The following PEX5 variants were observed in gnomAD, a reference collection of about 807,000 sequenced individuals.
PEX5 encodes PTS1 receptor.
PEX5 carries 52 observed loss-of-function variants against 82.9 expected under a neutral mutation model. The observed-to-expected ratio is 0.63, with a 90% CI of 0.50 to 0.79. The LOEUF (loss-of-function observed/expected upper bound fraction) is 0.79. Among genes scored for constraint, PEX5 ranks in the 30% least tolerant of loss-of-function variants. PEX5 has a pLI of 0.00. For missense variants in PEX5, 719 were observed against 815.2 expected (o/e 0.88, Z 1.44); for synonymous variants, 300 against 318.8 (o/e 0.94, Z 0.63).
chr12:7,217,610 AT>A (rs1369913778), intron 17 of PEX5, among the ~76,000 whole-genome samples: 1 of 152,202 alleles, frequency 6.6e-6, no homozygotes, highest in Non-Finnish European at 1.5e-5. Context: ...GTCAAAACAA[AT>A]TATTTATTTT....
intron 5 of PEX5, 90 bp from the exon 6 acceptor site, chr12:7,198,921 G>T: frequency 1.4e-6 from 1 of 711,456 alleles, no homozygotes. Flanking sequence ...GTGGCTAAGA[G>T]GGTCAGTTGA....
intron 2 of PEX5, 169 bp downstream of exon 2, chr12:7,190,693 C>G (rs999385440): frequency 6.9e-6 from 10 of 1,446,266 alleles, no homozygotes; most frequent in Non-Finnish European, 9.6e-6. Flanking sequence ...GGTATAACTG[C>G]TTTCTCTATT....
rs1439416155 is a variant in PEX5 at position 7,209,805 on chromosome 12, C to G, written c.1683C>G (p.Asn561Lys). The G allele has an allele frequency of 6.2e-7, 1 of 1,614,198 alleles. No individual in the cohort carries two copies. Among genetic ancestry groups the G allele is most frequent in the Non-Finnish European group, 8.5e-7 (1 of 1,180,038 alleles). ...CTGGCTATATCCGGTCCCGCTATAA[C>G]CTGGGCATCAGCTGCATCAACCTCG... ...LQPGYIRSRY[N>K]LGISCINLGA... The change falls in exon 15 of 16, where the codon AAC becomes AAG. Residue 561 changes from asparagine to lysine, a missense_variant. By Grantham distance (94) the Asn-to-Lys change is moderately conservative. Coordinates refer to ENST00000675855, the MANE Select transcript of PEX5 (RefSeq NM_001351132.2).
Position 7,202,650 on chromosome 12 carries a change from A to G in PEX5, c.792A>G (p.Pro264=). The stretch of plus-strand genomic sequence containing the variant: ...CCTGGGTTGACCAGTTCACAAGACC[A>G]GTAAACACATCTGCCCTTGATATGG... ...SDAWVDQFTR[P]VNTSALDMEF... Residue 264 remains proline (P), a synonymous_variant, in exon 9 of 16, where the codon CCA becomes CCG. Coordinates refer to ENST00000675855, the MANE Select transcript of PEX5 (RefSeq NM_001351132.2). The G allele has an allele frequency of 6.2e-7, 1 of 1,614,216 alleles. No individual in the cohort carries two copies. The highest frequency in any genetic ancestry group is 1.1e-5 in the South Asian group (1 of 91,084).
intron 9 of PEX5, 30 bp from the exon 10 acceptor site, chr12:7,203,402 C>T: frequency 6.2e-7 from 1 of 1,600,910 alleles, no homozygotes; most frequent in Non-Finnish European, 8.5e-7. Flanking sequence ...GATGGATCTC[C>T]TTTTTCTATC....
intron 1 of PEX5, chr12:7,190,048 G>A: frequency 6.7e-7 from 1 of 1,502,584 alleles, no homozygotes; most frequent in Non-Finnish European, 8.8e-7. Flanking sequence ...GGTTGTTGAA[G>A]CGTCCCCGTG....
Position 7,207,812 on chromosome 12 carries a change from T to G in PEX5, c.1110+10T>G. 1 of 1,613,794 alleles carries G rather than the reference T, an allele frequency of 6.2e-7. No individual in the cohort carries two copies. The highest frequency in any genetic ancestry group is 8.5e-7 in the Non-Finnish European group (1 of 1,179,722). ...TCCTAAGCACATGGAAGTGAGTGAC[T>G]CCATAGTCTCATTTCTGGCTAGAGA... On this transcript the variant is annotated intron_variant, in intron 11 of 15. Coordinates refer to ENST00000675855, the MANE Select transcript of PEX5 (RefSeq NM_001351132.2).
In PEX5 at chr12:7,209,760, C is replaced by T. The variant is rs142408719; in HGVS notation, c.1638C>T (p.Arg546=). The change falls in exon 15 of 16, where the codon CGC becomes CGT. Residue 546 remains arginine (R), a synonymous_variant. Coordinates refer to ENST00000675855, the MANE Select transcript of PEX5 (RefSeq NM_001351132.2). ...NQSEEAVAAY[R]RALELQPGYI... ...GTGAAGAAGCAGTAGCTGCGTACCGCCGGGCCCTCGAGCTCCAGCCTGGCT... is the reference window on the plus strand; with the variant it reads ...GTGAAGAAGCAGTAGCTGCGTACCGTCGGGCCCTCGAGCTCCAGCCTGGCT... 145 of 1,590,776 alleles carry T rather than the reference C, an allele frequency of 9.1e-5. No homozygotes were observed. The African/African-American group carries it at 1.8e-3, about 20-fold the overall frequency.
chr12:7,215,720 G>T (rs1351968376), downstream of PEX5, among the ~76,000 whole-genome samples: 1 of 152,076 alleles, frequency 6.6e-6, no homozygotes, highest in Non-Finnish European at 1.5e-5. Context: ...GATAGGAACG[G>T]CAGACACTGC....
At chr12:7,206,602 A>G (rs1944830743) in intron 10 of PEX5, among the ~76,000 whole-genome samples, 1 of 151,840 alleles carries the variant, frequency 6.6e-6, no homozygotes. Context: ...TTCTTCTTAA[A>G]CCCCCCATTG....
intron 10 of PEX5, among the ~76,000 whole-genome samples, chr12:7,206,356 T>C (rs1339465536): frequency 1.3e-5 from 2 of 152,284 alleles, no homozygotes; most frequent in African/African-American, 4.8e-5. Flanking sequence ...CTCATTTGTT[T>C]ACTTATGTCT....
chr12:7,202,752 T>G, intron 9 of PEX5, 48 bp downstream of exon 9: 1 of 1,215,862 alleles, frequency 8.2e-7, no homozygotes, highest in Non-Finnish European at 1.2e-6. Context: ...AAAACACTCC[T>G]TGGAGTGAGT....
chr12:7,216,472 A>G (rs116637860), downstream of PEX5, among the ~76,000 whole-genome samples: 2,942 of 152,320 alleles, frequency 0.019, 88 homozygotes, highest in African/African-American at 0.066. Context: ...GAAAAATGGG[A>G]GAGAATATTT....
At chr12:7,207,881 G>C in intron 11 of PEX5, 79 bp downstream of exon 11, 1 of 1,562,680 alleles carries the variant, frequency 6.4e-7, no homozygotes, top group Non-Finnish European at 8.8e-7. Context: ...GAGTAGTGCA[G>C]ATGGGTTAGG....
Position 7,210,235 on chromosome 12 carries a change from G to C in PEX5, c.*12G>C. The C allele has an allele frequency of 1.9e-6, 3 of 1,612,820 alleles. No individual in the cohort carries two copies. Among genetic ancestry groups the C allele is most frequent in the Non-Finnish European group, 2.5e-6 (3 of 1,179,134 alleles). ...GCCTGCCCCAGTGACAGTGGGACGG[G>C]CTGCCCTGTGAGTGTCCACCTGGAG... On this transcript the variant is annotated 3_prime_UTR_variant, in exon 16 of 16. Transcript: ENST00000675855.
intron 4 of PEX5, 43 bp from the exon 5 acceptor site, chr12:7,191,526 T>A (rs565041002): frequency 6.2e-7 from 1 of 1,611,108 alleles, no homozygotes; most frequent in East Asian, 2.2e-5. Context: ...GATGGAATGG[T>A]ATGTATGTAT....
intron 13 of PEX5, 147 bp downstream of exon 13, chr12:7,208,816 T>C: frequency 1.1e-6 from 1 of 889,944 alleles, no homozygotes; most frequent in Non-Finnish European, 1.9e-6. Flanking sequence ...GAAGGAGGTC[T>C]GCATTCTACA....
chr12:7,202,671 T>C lies in PEX5; in HGVS notation c.813T>C (p.Asp271=). ...FTRPVNTSAL[D]MEFERAKSAI... ...GACCAGTAAACACATCTGCCCTTGA[T>C]ATGGAGTTTGAACGAGCCAAGTCAG... Residue 271 remains aspartate, a synonymous_variant, in exon 9 of 16, where the codon GAT becomes GAC. Coordinates refer to ENST00000675855, the MANE Select transcript of PEX5 (RefSeq NM_001351132.2). 2 of 1,613,988 alleles carry C rather than the reference T, an allele frequency of 1.2e-6. No individual in the cohort carries two copies. The highest frequency in any genetic ancestry group is 1.7e-6 in the Non-Finnish European group (2 of 1,179,960).
In PEX5 at chr12:7,197,481, A is replaced by ATG. The variant is rs1179318607; in HGVS notation, c.449-1529_449-1528insGT. Among the ~76,000 whole-genome samples, 38 of 141,992 alleles carry ATG rather than the reference A, an allele frequency of 2.7e-4. 5 individuals are homozygous for ATG. The highest frequency in any genetic ancestry group is 1.9e-3 in the South Asian group (9 of 4,710). The allele number at this position is 141,992 out of a possible 152,430, so 93.2% of individuals were successfully genotyped here. A position where few individuals can be genotyped will look rare whatever the true frequency, so the allele number is the denominator to read the frequency against. ...GTAATAATTATATATGTTATATATA[A>ATG]TATAATAATTATATATGTTATATAT... On this transcript the variant is annotated intron_variant, in intron 5 of 15. Coordinates refer to ENST00000675855, the MANE Select transcript of PEX5 (RefSeq NM_001351132.2).
Sources: gnomAD v4.1 joint callset for allele counts (sites outside exome capture counted in the v4.1 genomes callset) on GRCh38, gnomAD v4.1.1 for gene constraint, MANE v1.5 for transcripts, NCBI Gene and HGNC (gene_info 2026-07-23, HGNC 2026-07-21) for gene names.